FGF14: variants seen among roughly 807,000 people sequenced by gnomAD.
The protein encoded by FGF14 is fibroblast growth factor homologous factor 4.
A neutral mutation model predicts 25.5 loss-of-function variants in FGF14; 5 were observed. The observed-to-expected ratio is 0.20, with a 90% CI of 0.10 to 0.41. FGF14 has a LOEUF of 0.41. Among genes scored for constraint, FGF14 ranks in the 10% least tolerant of loss-of-function variants. FGF14 has a pLI of 1.00. For synonymous variants in FGF14, 138 were observed against 118.3 expected (o/e 1.17, Z -1.08); for missense variants, 222 against 320.1 (o/e 0.69, Z 2.34).
chr13:102,008,054 C>T (rs2039897577), intron 1 of FGF14, among the ~76,000 whole-genome samples: 2 of 152,162 alleles, frequency 1.3e-5, no homozygotes, highest in Admixed American at 1.3e-4. Flanking sequence ...CACTGCATCC[C>T]TATTTGTAAT....
At chr13:102,161,628 GAAGAAGAAGAAGAA>G (rs2047707167) in intron 1 of FGF14, among the ~76,000 whole-genome samples, 3 of 6,240 alleles carry the variant, frequency 4.8e-4, no homozygotes, top group Non-Finnish European at 8.7e-4. Context: ...AGAAGAAGAA[GAAGAAGAAGAAGAA>G]GAAGAAGAAG....
intron 1 of FGF14, chr13:102,300,164 C>A (rs937865085): frequency 6.6e-6 from 1 of 152,042 alleles, no homozygotes; most frequent in East Asian, 1.9e-4. Flanking sequence ...AACTATATAC[C>A]TAAAATATAC....
intron 3 of FGF14, among the ~76,000 whole-genome samples, chr13:101,867,093 C>T (rs1381448305): frequency 1.3e-5 from 2 of 152,130 alleles, no homozygotes; most frequent in Non-Finnish European, 2.9e-5. Context: ...TGGGCAAATG[C>T]TATTGCACGC....
chr13:102,280,106 A>G (rs2053754066), intron 1 of FGF14, among the ~76,000 whole-genome samples: 1 of 152,268 alleles, frequency 6.6e-6, no homozygotes, highest in Non-Finnish European at 1.5e-5. Context: ...GATATTAAAT[A>G]CAAATTATTT....
At chr13:102,206,892 T>C (rs537676844) in intron 1 of FGF14, among the ~76,000 whole-genome samples, 2 of 152,268 alleles carry the variant, frequency 1.3e-5, no homozygotes, top group East Asian at 3.9e-4. Context: ...TAAAGCCAAA[T>C]ATTTGGGGCA....
intron 1 of FGF14, among the ~76,000 whole-genome samples, chr13:101,888,480 T>A (rs1455165824): frequency 6.6e-6 from 1 of 152,178 alleles, no homozygotes; most frequent in African/African-American, 2.4e-5. Flanking sequence ...AAGCTTGTGC[T>A]CAAGAATTGG....
At chr13:102,182,562 C>T (rs939832229) in intron 1 of FGF14, among the ~76,000 whole-genome samples, 2 of 151,992 alleles carry the variant, frequency 1.3e-5, no homozygotes, top group Admixed American at 6.6e-5. Flanking sequence ...TTTTGTTGAA[C>T]TTTGTGAAAA....
intron 3 of FGF14, among the ~76,000 whole-genome samples, chr13:101,857,307 C>T (rs185148183): frequency 1.3e-5 from 2 of 152,064 alleles, no homozygotes; most frequent in East Asian, 3.9e-4. Flanking sequence ...ACAAAAAATA[C>T]GTTATTCCCA....
intron 1 of FGF14, among the ~76,000 whole-genome samples, chr13:102,087,473 G>A (rs995594128): frequency 8.1e-5 from 11 of 135,640 alleles, no homozygotes; most frequent in African/African-American, 1.4e-4. Flanking sequence ...GTGTAGTGGC[G>A]TGATCTCGGC....
At chr13:101,880,910 T>G (rs1426579003) in intron 1 of FGF14, among the ~76,000 whole-genome samples, 6 of 152,178 alleles carry the variant, frequency 3.9e-5, no homozygotes, top group African/African-American at 7.2e-5. Context: ...ATATTGTATT[T>G]AAGAGTTGGA....
intron 3 of FGF14, among the ~76,000 whole-genome samples, chr13:101,864,839 A>C (rs1224762839): frequency 6.6e-6 from 1 of 152,106 alleles, no homozygotes; most frequent in Admixed American, 6.6e-5. Context: ...CCAATAAGGA[A>C]TCTCTATGCA....
intron 3 of FGF14, among the ~76,000 whole-genome samples, chr13:101,751,106 G>T (rs1217173241): frequency 6.6e-6 from 1 of 152,088 alleles, no homozygotes; most frequent in African/African-American, 2.4e-5. Context: ...CTATCTGTAT[G>T]TTACTATAAT....
intron 1 of FGF14, among the ~76,000 whole-genome samples, chr13:102,019,489 G>T (rs16959619): frequency 0.074 from 11,245 of 152,110 alleles, 1,331 homozygotes; most frequent in African/African-American, 0.25. Flanking sequence ...CATCCCATCT[G>T]TCCCTGGATA....
chr13:101,819,061 C>G (rs2041983215), intron 3 of FGF14, among the ~76,000 whole-genome samples: 1 of 152,098 alleles, frequency 6.6e-6, no homozygotes, highest in Non-Finnish European at 1.5e-5. Context: ...TGAGCATTTA[C>G]TGTATACCCA....
At chr13:101,730,718 G>A (rs1463171733) in intron 3 of FGF14, among the ~76,000 whole-genome samples, 1 of 152,126 alleles carries the variant, frequency 6.6e-6, no homozygotes, top group Non-Finnish European at 1.5e-5. Context: ...TAATTGATGA[G>A]ATCTCCAGGG....
At chr13:101,994,076 C>T (rs965616894) in intron 1 of FGF14, among the ~76,000 whole-genome samples, 1 of 151,814 alleles carries the variant, frequency 6.6e-6, no homozygotes, top group Non-Finnish European at 1.5e-5. Flanking sequence ...TAAAAGGATG[C>T]ATAGTAAATA....
chr13:101,787,594 T>C (rs1005137344), intron 3 of FGF14, among the ~76,000 whole-genome samples: 1 of 152,172 alleles, frequency 6.6e-6, no homozygotes, highest in African/African-American at 2.4e-5. Flanking sequence ...CTCCCTGTGC[T>C]TTCTGATGAC....
At chr13:101,918,167 C>T (rs1042004134), upstream of FGF14, among the ~76,000 whole-genome samples, 2 of 151,926 alleles carry the variant, frequency 1.3e-5, no homozygotes, top group East Asian at 3.9e-4. Context: ...TGTGAAGGTC[C>T]AAGAGAAAGG....
At chr13:102,013,786 T>C in intron 1 of FGF14, among the ~76,000 whole-genome samples, 1 of 152,200 alleles carries the variant, frequency 6.6e-6, no homozygotes, top group East Asian at 1.9e-4. Context: ...TATTTCATTG[T>C]TCGGACAATT....
Sources: gnomAD v4.1 joint callset for allele counts (sites outside exome capture counted in the v4.1 genomes callset) on GRCh38, gnomAD v4.1.1 for gene constraint, MANE v1.5 for transcripts, NCBI Gene and HGNC (gene_info 2026-07-23, HGNC 2026-07-21) for gene names.